The following PTPRQ variants were observed in gnomAD, a reference collection of about 807,000 sequenced individuals.
PTPRQ encodes protein tyrosine phosphatase receptor type Q.
In PTPRQ, 199 loss-of-function variants were observed where a neutral mutation model predicts 246.0. The observed-to-expected ratio is 0.81, with a 90% CI of 0.72 to 0.91. The LOEUF (loss-of-function observed/expected upper bound fraction) is 0.91. PTPRQ is among the 40% of genes least tolerant of loss of function. The pLI is 0.00. For missense variants in PTPRQ, 2,624 were observed against 2,528.4 expected (o/e 1.04, Z -0.81); for synonymous variants, 869 against 853.2 (o/e 1.02, Z -0.32).
chr12:80,664,907 C>A (rs1465064981), intron 39 of PTPRQ, among the ~76,000 whole-genome samples: 1 of 151,992 alleles, frequency 6.6e-6, no homozygotes, highest in Non-Finnish European at 1.5e-5. Flanking sequence ...AATTTACTAT[C>A]TCTTTCTAAA....
At position 80,679,412 on chromosome 12, in the gene PTPRQ, T is replaced by C. The variant is rs984605204; in HGVS notation, c.*389T>C. ...AAATGTTGATTCAGTAGTGTTGTTT[T>C]GGCTTACAGGGTATTGATGTTTCTT... is the stretch of plus-strand genomic sequence containing the variant. On this transcript the variant is annotated 3_prime_UTR_variant, in exon 45 of 45. Transcript: ENST00000644991. The C allele has an allele frequency of 5.0e-5, 8 of 159,628 alleles. No individual in the cohort carries two copies. The highest frequency in any genetic ancestry group is 1.9e-4 in the African/African-American group (8 of 41,550). 9.9% of individuals were successfully genotyped at this position (159,628 alleles called of 1,614,324 possible). A position where few individuals can be genotyped will look rare whatever the true frequency, so the allele number is the denominator to read the frequency against.
intron 9 of PTPRQ, among the ~76,000 whole-genome samples, chr12:80,486,734 T>C (rs1245113398): frequency 6.6e-6 from 1 of 152,138 alleles, no homozygotes; most frequent in Non-Finnish European, 1.5e-5. Flanking sequence ...AAAAGTAGCC[T>C]CATTCCCCAA....
chr12:80,656,289 T>C (rs1314857770), intron 38 of PTPRQ, among the ~76,000 whole-genome samples: 2 of 152,164 alleles, frequency 1.3e-5, no homozygotes, highest in East Asian at 1.9e-4. Flanking sequence ...TAAGAACATG[T>C]ATTGAGTGCC....
At chr12:80,465,807 C>G (rs1257591314) in intron 6 of PTPRQ, among the ~76,000 whole-genome samples, 3 of 152,124 alleles carry the variant, frequency 2.0e-5, no homozygotes, top group South Asian at 2.1e-4. Context: ...ATTCAACAAC[C>G]CTCCATGCTA....
rs1345560071 is a variant in PTPRQ, at chr12:80,444,301, C to G, written c.-45C>G. 1 of 993,844 alleles carries G rather than the reference C, an allele frequency of 1.0e-6. No homozygotes were observed. The highest frequency in any genetic ancestry group is 1.6e-6 in the Non-Finnish European group (1 of 642,490). The allele number at this position is 993,844 out of a possible 1,614,324, so 61.6% of individuals were successfully genotyped here. A position where few individuals can be genotyped will look rare whatever the true frequency, so the allele number is the denominator to read the frequency against. On this transcript the variant is annotated 5_prime_UTR_variant, in exon 1 of 45. Transcript: ENST00000644991. ...TCATTAATGCAGGCAACATTTCTCTCTAGAGCCATCAATGTGATTCTACTG... is the reference window on the plus strand; with the variant it reads ...TCATTAATGCAGGCAACATTTCTCTGTAGAGCCATCAATGTGATTCTACTG...
chr12:80,509,638 C>T (rs1293862905), intron 16 of PTPRQ, among the ~76,000 whole-genome samples: 1 of 152,018 alleles, frequency 6.6e-6, no homozygotes, highest in African/African-American at 2.4e-5. Context: ...GACTATTTTG[C>T]AGTAATGTTT....
chr12:80,470,711 C>A (rs780828495), intron 7 of PTPRQ, among the ~76,000 whole-genome samples: 10 of 152,002 alleles, frequency 6.6e-5, no homozygotes, highest in Non-Finnish European at 1.5e-4. Context: ...GAGTGGAAAT[C>A]AAGTGGTGAG....
At chr12:80,534,859 A>T in intron 18 of PTPRQ, 33 bp from the exon 19 acceptor site, 1 of 1,540,326 alleles carries the variant, frequency 6.5e-7, no homozygotes. Flanking sequence ...GTAAACACAA[A>T]TACAGTAATT....
intron 7 of PTPRQ, among the ~76,000 whole-genome samples, chr12:80,469,696 T>C (rs1893563738): frequency 6.6e-6 from 1 of 152,220 alleles, no homozygotes; most frequent in Non-Finnish European, 1.5e-5. Flanking sequence ...CTTATGCTCC[T>C]AAAATTCTGA....
chr12:80,546,538 T>A lies in PTPRQ; in HGVS notation c.3874-18T>A, dbSNP rs544984564. 1 of 1,533,044 alleles carries A rather than the reference T, an allele frequency of 6.5e-7. No homozygotes were observed. Among genetic ancestry groups the A allele is most frequent in the East Asian group, 2.5e-5 (1 of 40,490 alleles). The allele number at this position is 1,533,044 out of a possible 1,614,324, so 95.0% of individuals were successfully genotyped here. On this transcript the variant is annotated intron_variant, in intron 23 of 44. Coordinates refer to ENST00000644991, the MANE Select transcript of PTPRQ (RefSeq NM_001145026.2). ...TTTTGACAGTGCATTAACTAATAACTTTTTTTCTGTTTTTCAGAATATATC... is the reference window on the plus strand; with the variant it reads ...TTTTGACAGTGCATTAACTAATAACATTTTTTCTGTTTTTCAGAATATATC...
At chr12:80,580,880 C>CAAACTAT (rs1309652761) in intron 25 of PTPRQ, among the ~76,000 whole-genome samples, 2 of 152,152 alleles carry the variant, frequency 1.3e-5, no homozygotes, top group Non-Finnish European at 2.9e-5. Context: ...TTCCTATAGC[C>CAAACTAT]AGGTTACAAA....
At chr12:80,666,820 T>C (rs1346552276) in intron 39 of PTPRQ, among the ~76,000 whole-genome samples, 1 of 152,000 alleles carries the variant, frequency 6.6e-6, no homozygotes, top group African/African-American at 2.4e-5. Flanking sequence ...CAAATTCAGT[T>C]GGTTTTGCCT....
At chr12:80,602,662 C>A (rs1048383258) in intron 26 of PTPRQ, among the ~76,000 whole-genome samples, 8 of 151,750 alleles carry the variant, frequency 5.3e-5, no homozygotes, top group African/African-American at 1.7e-4. Context: ...GACGTAATCA[C>A]CTCTTATAGG....
intron 8 of PTPRQ, among the ~76,000 whole-genome samples, chr12:80,478,091 A>C (rs1158007278): frequency 6.6e-6 from 1 of 152,062 alleles, no homozygotes; most frequent in African/African-American, 2.4e-5. Context: ...ACAGACAAAC[A>C]AAAAGACAGC....
intron 6 of PTPRQ, among the ~76,000 whole-genome samples, 188 bp downstream of exon 6, chr12:80,461,090 AT>A (rs1360442724): frequency 6.6e-6 from 1 of 152,210 alleles, no homozygotes; most frequent in Non-Finnish European, 1.5e-5. Context: ...CAAAATAAGT[AT>A]TTGAAAGGAG....
chr12:80,637,831 C>T (rs12819563), intron 35 of PTPRQ, among the ~76,000 whole-genome samples: 11,102 of 152,126 alleles, frequency 0.073, 501 homozygotes, highest in South Asian at 0.19. Context: ...GATCTAAATC[C>T]GTTCAAAGTC....
Position 80,558,183 on chromosome 12 carries a change from T to C in PTPRQ, c.4285+8449T>C, listed in dbSNP as rs972272123. 4.0e-5 allele frequency among the ~76,000 whole-genome samples: 6 copies of C among 149,976 alleles called. No homozygotes were observed. In the East Asian group the frequency reaches 1.2e-3, roughly 29 times the overall value. Reference sequence around the variant, plus strand: ...CTTTTCTTTTCTTTCTTTTCTTTTCTTTTTGAAACAGTCTTGCTTTGTCAT... The same window carrying C: ...CTTTTCTTTTCTTTCTTTTCTTTTCCTTTTGAAACAGTCTTGCTTTGTCAT... On this transcript the variant is annotated intron_variant, in intron 25 of 44. Coordinates refer to ENST00000644991, the MANE Select transcript of PTPRQ (RefSeq NM_001145026.2).
At chr12:80,529,273 A>G (rs1895778340) in intron 17 of PTPRQ, among the ~76,000 whole-genome samples, 1 of 152,174 alleles carries the variant, frequency 6.6e-6, no homozygotes, top group Non-Finnish European at 1.5e-5. Context: ...CACATTCTTC[A>G]TTTTGGGGAG....
chr12:80,664,606 A>T, intron 39 of PTPRQ, among the ~76,000 whole-genome samples: 1 of 151,892 alleles, frequency 6.6e-6, no homozygotes, highest in African/African-American at 2.4e-5. Flanking sequence ...CTACTTCTTT[A>T]TTGTTCTTTT....
Sources: allele counts gnomAD v4.1 joint callset (sites outside exome capture counted in the v4.1 genomes callset), GRCh38; gene constraint gnomAD v4.1.1; transcripts MANE v1.5; gene names NCBI Gene and HGNC (gene_info 2026-07-23, HGNC 2026-07-21).